Variants in CHLSN observed in about 807,000 individuals in gnomAD.
The protein encoded by CHLSN is protein cholesin.
chr7:1,040,976 C>T, the CHLSN span, among the ~76,000 whole-genome samples: 1 of 152,256 alleles, frequency 6.6e-6, no homozygotes, highest in Non-Finnish European at 1.5e-5. Flanking sequence ...CAGTGCCTCC[C>T]GGGGTCAACC....
At chr7:1,136,643 G>A in the CHLSN span, among the ~76,000 whole-genome samples, 1 of 144,586 alleles carries the variant, frequency 6.9e-6, no homozygotes, top group Non-Finnish European at 1.5e-5. Flanking sequence ...TATATATGCG[G>A]ATGTGTGTAT....
chr7:1,058,773 AAGCCTCCTCGCCTTC>A, the CHLSN span: 5 of 504,416 alleles, frequency 9.9e-6, no homozygotes, highest in Admixed American at 1.9e-4. Flanking sequence ...ACATCCGCAA[AAGCCTCCTCGCCTTC>A]AGCCTCCTCA....
At chr7:1,096,144 T>G in the CHLSN span, among the ~76,000 whole-genome samples, 1 of 152,208 alleles carries the variant, frequency 6.6e-6, no homozygotes, top group Non-Finnish European at 1.5e-5. This position sits in a 1 kb window ranked among gnomAD's most constrained non-coding sequence, Gnocchi z 4.6. Flanking sequence ...GACACCGCTG[T>G]TGAGTGCGTG....
the CHLSN span, among the ~76,000 whole-genome samples, chr7:999,788 G>A: frequency 3.3e-5 from 5 of 152,218 alleles, no homozygotes; most frequent in Admixed American, 6.5e-5. Flanking sequence ...CGAGGCAGGA[G>A]GCACTGCCCA....
At chr7:1,114,566 G>A in the CHLSN span, among the ~76,000 whole-genome samples, 7 of 152,238 alleles carry the variant, frequency 4.6e-5, no homozygotes, top group African/African-American at 1.4e-4. Flanking sequence ...ATGGCCTAAC[G>A]CTGTTCCTGC....
At chr7:995,981 C>T in the CHLSN span, among the ~76,000 whole-genome samples, 3 of 152,352 alleles carry the variant, frequency 2.0e-5, no homozygotes, top group East Asian at 1.9e-4. Context: ...GGGTCTCCTC[C>T]GGCCCCGAGT....
At chr7:1,010,467 C>T in the CHLSN span, among the ~76,000 whole-genome samples, 6 of 152,338 alleles carry the variant, frequency 3.9e-5, no homozygotes, top group East Asian at 9.7e-4. Context: ...CCACCCCACA[C>T]AGTGTGGGAA....
At chr7:1,125,984 T>C in the CHLSN span, among the ~76,000 whole-genome samples, 2 of 152,126 alleles carry the variant, frequency 1.3e-5, no homozygotes, top group African/African-American at 2.4e-5. Context: ...GTCAAAAAAT[T>C]TTTTATATTT....
chr7:1,038,344 G>C, the CHLSN span, among the ~76,000 whole-genome samples: 1 of 100,092 alleles, frequency 1.0e-5, no homozygotes. Flanking sequence ...CCCCGTCCGG[G>C]AGGTGAGGGG....
At chr7:1,050,064 G>C in the CHLSN span, among the ~76,000 whole-genome samples, 115 of 152,294 alleles carry the variant, frequency 7.6e-4, no homozygotes, top group African/African-American at 2.5e-3. Context: ...CCCCCTCAGC[G>C]GGCCCCACTC....
the CHLSN span, among the ~76,000 whole-genome samples, chr7:1,080,611 C>T: frequency 3.9e-5 from 6 of 152,250 alleles, no homozygotes; most frequent in African/African-American, 7.2e-5. Context: ...CGTGCTTCCA[C>T]GACTAGATGC....
the CHLSN span, chr7:987,255 C>T: frequency 7.1e-5 from 107 of 1,509,666 alleles, 1 homozygote; most frequent in African/African-American, 5.0e-4. Flanking sequence ...GGTGAGACCC[C>T]GGCGCCTGGC....
At chr7:1,058,416 C>T in the CHLSN span, 1 of 780,748 alleles carries the variant, frequency 1.3e-6, no homozygotes, top group East Asian at 2.4e-5. Flanking sequence ...CTACATGAAC[C>T]AGAGCTTCCC....
chr7:1,053,683 T>C, the CHLSN span, among the ~76,000 whole-genome samples: 253 of 152,146 alleles, frequency 1.7e-3, 2 homozygotes, highest in African/African-American at 5.1e-3. Flanking sequence ...CAAAATTAGC[T>C]GGGTGTGGTG....
the CHLSN span, among the ~76,000 whole-genome samples, chr7:1,121,094 G>A: frequency 6.6e-6 from 1 of 152,220 alleles, no homozygotes; most frequent in African/African-American, 2.4e-5. Flanking sequence ...AGGGATGAAG[G>A]AGGGAGCCGG....
the CHLSN span, among the ~76,000 whole-genome samples, chr7:1,053,220 C>T: frequency 7.5e-4 from 114 of 152,362 alleles, no homozygotes; most frequent in Non-Finnish European, 1.0e-3. Context: ...CCGCCTGGGC[C>T]AGGCCAGGCT....
the CHLSN span, among the ~76,000 whole-genome samples, chr7:1,054,378 T>C: frequency 6.6e-6 from 1 of 152,170 alleles, no homozygotes; most frequent in African/African-American, 2.4e-5. Flanking sequence ...CCTTCAGTAT[T>C]TGTCAGCTGC....
At chr7:1,080,510 G>T in the CHLSN span, among the ~76,000 whole-genome samples, 5 of 152,212 alleles carry the variant, frequency 3.3e-5, no homozygotes, top group Non-Finnish European at 5.9e-5. Context: ...GCAGCCGCAC[G>T]GCCGCCAGGT....
At chr7:1,064,908 G>A in the CHLSN span, among the ~76,000 whole-genome samples, 9 of 152,344 alleles carry the variant, frequency 5.9e-5, no homozygotes, top group East Asian at 1.4e-3. Context: ...CGGGTCAAGC[G>A]AGCAGCATCC....
Sources: gnomAD v4.1 joint callset for allele counts (sites outside exome capture counted in the v4.1 genomes callset) on GRCh38, gnomAD v4.1.1 for gene constraint, Gnocchi (gnomAD v3.1) non-coding constraint, MANE v1.5 for transcripts, NCBI Gene and HGNC (gene_info 2026-07-23, HGNC 2026-07-21) for gene names.